Variants in MSH3 observed in about 807,000 individuals in gnomAD.
MSH3 encodes mutS homolog 3.
In MSH3, 106 loss-of-function variants were observed where a neutral mutation model predicts 123.3. The observed-to-expected ratio is 0.86, with a 90% CI of 0.73 to 1.01. The LOEUF is 1.01. MSH3 is among the 50% of genes least tolerant of loss of function. The probability of loss-of-function intolerance (pLI) is 0.00; values close to 1 mark genes in which losing one functional copy is unlikely to be tolerated. For synonymous variants in MSH3, 515 were observed against 481.4 expected, an observed-to-expected ratio of 1.07 and a Z score of -0.91; for missense variants, 1,459 against 1,347.6, an observed-to-expected ratio of 1.08 and a Z score of -1.29.
chr5:80,849,012 G>C (rs1934627335), intron 20 of MSH3, among the ~76,000 whole-genome samples: 1 of 152,164 alleles, frequency 6.6e-6, no homozygotes, highest in African/African-American at 2.4e-5. Flanking sequence ...AAATACAATG[G>C]GGGTACAGGC....
At chr5:80,680,782 A>T (rs1385805331) in intron 8 of MSH3, among the ~76,000 whole-genome samples, 4 of 152,064 alleles carry the variant, frequency 2.6e-5, no homozygotes. Flanking sequence ...AATCCTAGGG[A>T]GCATCAGTTT....
chr5:80,782,075 T>C (rs1204576106), intron 17 of MSH3, among the ~76,000 whole-genome samples: 1 of 152,214 alleles, frequency 6.6e-6, no homozygotes, highest in Non-Finnish European at 1.5e-5. Flanking sequence ...TATTATTGTA[T>C]TACTAATATG....
intron 12 of MSH3, among the ~76,000 whole-genome samples, chr5:80,753,290 T>G (rs1396417820): frequency 6.6e-6 from 1 of 152,130 alleles, no homozygotes; most frequent in Non-Finnish European, 1.5e-5. Flanking sequence ...GAAGGCTGGG[T>G]GCTTGCACTG....
Position 80,826,648 on chromosome 5 carries a change from A to G in MSH3, c.2813+12907A>G, listed in dbSNP as rs1418725627. Reference sequence around the variant, plus strand: ...ACTGCAACCTCTACCTCCTGGGTTCAAGCGATTCTCCTGCCTCAGCCTCCC... The same window carrying G: ...ACTGCAACCTCTACCTCCTGGGTTCGAGCGATTCTCCTGCCTCAGCCTCCC... On this transcript the variant is annotated intron_variant, in intron 20 of 23. Coordinates refer to ENST00000265081, the MANE Select transcript of MSH3 (RefSeq NM_002439.5). Among the ~76,000 whole-genome samples the G allele has an allele frequency of 3.3e-5, 5 of 150,164 alleles. No individual in the cohort carries two copies. In the East Asian group the frequency reaches 9.9e-4, roughly 30 times the overall value.
intron 7 of MSH3, among the ~76,000 whole-genome samples, chr5:80,676,476 T>C (rs1276971248): frequency 6.6e-6 from 1 of 152,220 alleles, no homozygotes; most frequent in Non-Finnish European, 1.5e-5. Flanking sequence ...TAAGCACAAA[T>C]GGAACTCTGT....
intron 8 of MSH3, among the ~76,000 whole-genome samples, chr5:80,679,409 C>T (rs190201045): frequency 9.2e-5 from 14 of 152,172 alleles, no homozygotes; most frequent in Admixed American, 5.9e-4. Flanking sequence ...CTACTATCAC[C>T]TTAATGTAGA....
At position 80,654,765 on chromosome 5, in the gene MSH3, C is replaced by T; in HGVS notation, c.38C>T (p.Ala13Val). 1 of 1,604,254 alleles carries T rather than the reference C, an allele frequency of 6.2e-7. No homozygotes were observed. The highest frequency in any genetic ancestry group is 8.5e-7 in the Non-Finnish European group (1 of 1,176,522). Residue 13 changes from alanine to valine, a missense_variant, in exon 1 of 24, where the codon GCC becomes GTC. Coordinates refer to ENST00000265081, the MANE Select transcript of MSH3 (RefSeq NM_002439.5). ...AAGCCTGCGTCGGGCGGCCTCGCTG[C>T]CTCCAGCTCAGCCCCTGCGAGGCAA... ...RRKPASGGLA[A>V]SSSAPARQAV...
chr5:80,786,413 T>C (rs914829480), intron 17 of MSH3, among the ~76,000 whole-genome samples: 1 of 152,202 alleles, frequency 6.6e-6, no homozygotes, highest in Non-Finnish European at 1.5e-5. Context: ...GGCTTCTTCG[T>C]AGTCTTTGAT....
intron 10 of MSH3, among the ~76,000 whole-genome samples, chr5:80,733,207 G>T (rs1012397733): frequency 3.3e-5 from 5 of 152,148 alleles, no homozygotes; most frequent in African/African-American, 1.2e-4. Flanking sequence ...ACTGACAGGG[G>T]TGTTAAGACA....
intron 8 of MSH3, among the ~76,000 whole-genome samples, chr5:80,688,155 CAT>C (rs1374934441): frequency 5.3e-5 from 8 of 152,146 alleles, no homozygotes; most frequent in African/African-American, 1.4e-4. Flanking sequence ...TTGAAAAAGA[CAT>C]GTGGAAGAAT....
intron 20 of MSH3, among the ~76,000 whole-genome samples, chr5:80,819,920 G>A (rs112616918): frequency 3.2e-3 from 481 of 152,318 alleles, no homozygotes; most frequent in African/African-American, 0.011. Flanking sequence ...TACTGAGTAT[G>A]CCAAGAAAGC....
At chr5:80,838,452 GCCGGTAAAACACTT>G (rs1745557324) in intron 20 of MSH3, among the ~76,000 whole-genome samples, 1 of 152,162 alleles carries the variant, frequency 6.6e-6, no homozygotes, top group Non-Finnish European at 1.5e-5. Context: ...ATGAGATAAT[GCCGGTAAAACACTT>G]CAGTGAGTGC....
chr5:80,866,582 G>A (rs562207491), intron 22 of MSH3, among the ~76,000 whole-genome samples: 2 of 152,128 alleles, frequency 1.3e-5, no homozygotes, highest in African/African-American at 4.8e-5. Flanking sequence ...CCTTTCTGTT[G>A]TATTTCTAAG....
intron 20 of MSH3, among the ~76,000 whole-genome samples, chr5:80,820,915 A>G (rs1368296646): frequency 6.6e-6 from 1 of 152,190 alleles, no homozygotes; most frequent in African/African-American, 2.4e-5. Flanking sequence ...GTCCAGGTTA[A>G]GCTTAGTTGC....
chr5:80,665,312 C>G lies in MSH3; in HGVS notation c.528C>G (p.His176Gln), dbSNP rs368468467. The change falls in exon 3 of 24, where the codon CAC becomes CAG. Residue 176 changes from histidine (H) to glutamine (Q), a missense_variant. Transcript: ENST00000265081. ...CTDFDDISLL[H>Q]AKNAVSSEDS... ...ATTTTGATGATATCAGTCTTCTACACGCAAAGAATGCAGTTTCTTCTGAAG... is the reference window on the plus strand; with the variant it reads ...ATTTTGATGATATCAGTCTTCTACAGGCAAAGAATGCAGTTTCTTCTGAAG... The G allele has an allele frequency of 1.9e-6, 3 of 1,613,564 alleles. No homozygotes were observed. The highest frequency in any genetic ancestry group is 1.3e-5 in the African/African-American group (1 of 75,022).
Position 80,784,231 on chromosome 5 carries a change from A to G in MSH3, c.2436-3334A>G, listed in dbSNP as rs1483620282. Among the ~76,000 whole-genome samples, 14 of 132,852 alleles carry G rather than the reference A, an allele frequency of 1.1e-4. 1 individual carries two copies. The highest frequency in any genetic ancestry group is 4.1e-4 in the African/African-American group (12 of 29,272). 87.2% of individuals were successfully genotyped at this position (132,852 alleles called of 152,430 possible). A position where few individuals can be genotyped will look rare whatever the true frequency, so the allele number is the denominator to read the frequency against. ...ACGTCGCAAAAAAAAAAAAAAAAAA[A>G]AAAAAAAAGGGAAATAAATAAATAA... On this transcript the variant is annotated intron_variant, in intron 17 of 23. Coordinates refer to ENST00000265081, the MANE Select transcript of MSH3 (RefSeq NM_002439.5).
chr5:80,740,770 A>G (rs1743599159), intron 10 of MSH3, among the ~76,000 whole-genome samples: 1 of 148,550 alleles, frequency 6.7e-6, no homozygotes, highest in South Asian at 2.1e-4. Flanking sequence ...GTTGGAGTGC[A>G]GTGGCGTGAT....
intron 13 of MSH3, among the ~76,000 whole-genome samples, chr5:80,767,410 G>A (rs1409280178): frequency 3.3e-5 from 5 of 152,114 alleles, no homozygotes; most frequent in South Asian, 2.1e-4. Context: ...TTGGCGTTCC[G>A]ATAAGTGAAA....
intron 20 of MSH3, among the ~76,000 whole-genome samples, chr5:80,832,679 A>G (rs1745440123): frequency 1.3e-5 from 2 of 152,068 alleles, no homozygotes; most frequent in South Asian, 4.1e-4. Context: ...GTGGATGTTA[A>G]TACCACTGAG....
Sources: allele counts gnomAD v4.1 joint callset (sites outside exome capture counted in the v4.1 genomes callset), GRCh38; gene constraint gnomAD v4.1.1; transcripts MANE v1.5; gene names NCBI Gene and HGNC (gene_info 2026-07-23, HGNC 2026-07-21).